The following CNKSR3 variants were observed in gnomAD, a reference collection of about 807,000 sequenced individuals.
The protein encoded by CNKSR3 is connector enhancer of kinase suppressor of ras 3.
Under a neutral mutation model 67.7 loss-of-function variants are expected in CNKSR3, and 36 were observed. The ratio of observed to expected loss-of-function variants is 0.53; its 90% CI spans 0.41 to 0.70. CNKSR3 has a LOEUF of 0.70. Among genes scored for constraint, CNKSR3 ranks in the 30% least tolerant of loss-of-function variants. The pLI, the probability that CNKSR3 is intolerant of heterozygous loss-of-function variation, is 0.00. For missense variants in CNKSR3, 630 were observed against 695.2 expected (o/e 0.91, Z 1.05); for synonymous variants, 281 against 271.4 (o/e 1.04, Z -0.35).
rs559577630 is a variant in CNKSR3 at position 154,389,188 on chromosome 6, G to C, written c.*17166C>G. ...CAAGACCAATGTCAAAGAGCTTTTC[G>C]CCTATGTTTTCTTCTAGGAGTTTTA... is the stretch of plus-strand genomic sequence containing the variant. On this transcript the variant is annotated 3_prime_UTR_variant, in exon 13 of 13. Coordinates refer to ENST00000607772, the MANE Select transcript of CNKSR3 (RefSeq NM_173515.4). 1 of 151,998 alleles carries C rather than the reference G, an allele frequency of 6.6e-6. No individual in the cohort carries two copies. The highest frequency in any genetic ancestry group is 1.5e-5 in the Non-Finnish European group (1 of 67,964). 9.4% of individuals were successfully genotyped at this position (151,998 alleles called of 1,614,324 possible). A position where few individuals can be genotyped will look rare whatever the true frequency, so the allele number is the denominator to read the frequency against.
intron 7 of CNKSR3, among the ~76,000 whole-genome samples, chr6:154,424,266 A>T (rs1187720772): frequency 6.6e-6 from 1 of 151,952 alleles, no homozygotes; most frequent in Non-Finnish European, 1.5e-5. Context: ...AAAAAGAAAT[A>T]TAAAGGGATA....
At chr6:154,408,797 T>C (rs1360153168) in intron 12 of CNKSR3, among the ~76,000 whole-genome samples, 2 of 152,204 alleles carry the variant, frequency 1.3e-5, no homozygotes, top group Non-Finnish European at 2.9e-5. Flanking sequence ...TCAATAAAAC[T>C]GTTATTTTTT....
At chr6:154,456,096 G>C (rs1236898430) in intron 1 of CNKSR3, among the ~76,000 whole-genome samples, 2 of 152,112 alleles carry the variant, frequency 1.3e-5, no homozygotes, top group African/African-American at 4.8e-5. Context: ...CTAGGTCCCA[G>C]AAAGCAAATG....
At chr6:154,466,000 T>G (rs1786190560) in intron 1 of CNKSR3, among the ~76,000 whole-genome samples, 2 of 152,234 alleles carry the variant, frequency 1.3e-5, no homozygotes. Context: ...AGCAGCCATA[T>G]GCAACTGACT....
At chr6:154,417,364 G>C (rs1344753565) in intron 9 of CNKSR3, among the ~76,000 whole-genome samples, 4 of 152,220 alleles carry the variant, frequency 2.6e-5, no homozygotes, top group African/African-American at 7.2e-5. Flanking sequence ...TCAACTCAGA[G>C]GCCACATTCA....
rs1057072734 is a variant in CNKSR3, at chr6:154,392,711, G to T, written c.*13643C>A. Reference sequence around the variant, plus strand: ...TGCTTCATTAGCATCGATGTTTGGGGAACAAGGAGCCCTTGCCTCCCCTGA... The same window carrying T: ...TGCTTCATTAGCATCGATGTTTGGGTAACAAGGAGCCCTTGCCTCCCCTGA... On this transcript the variant is annotated 3_prime_UTR_variant, in exon 13 of 13. Transcript: ENST00000607772. 2 of 152,274 alleles carry T rather than the reference G, an allele frequency of 1.3e-5. No individual in the cohort carries two copies. Among genetic ancestry groups the T allele is most frequent in the African/African-American group, 4.8e-5 (2 of 41,444 alleles). 9.4% of individuals were successfully genotyped at this position (152,274 alleles called of 1,614,324 possible).
intron 1 of CNKSR3, among the ~76,000 whole-genome samples, chr6:154,465,549 C>T (rs1165325829): frequency 1.3e-5 from 2 of 152,118 alleles, no homozygotes; most frequent in Non-Finnish European, 2.9e-5. Context: ...TGCTCACAGC[C>T]TCGCCGAGCC....
chr6:154,451,738 A>T (rs1785837952), intron 1 of CNKSR3, among the ~76,000 whole-genome samples: 1 of 152,190 alleles, frequency 6.6e-6, no homozygotes, highest in African/African-American at 2.4e-5. Context: ...ATACAGGAAG[A>T]AGAGTAGTTT....
chr6:154,442,351 G>C, intron 2 of CNKSR3, 61 bp from the exon 3 acceptor site: 1 of 1,411,662 alleles, frequency 7.1e-7, no homozygotes, highest in East Asian at 2.3e-5. Context: ...GACAGGGCGC[G>C]GTGGCTCACG....
chr6:154,438,147 AT>A (rs1314627814), intron 4 of CNKSR3, among the ~76,000 whole-genome samples: 1 of 152,134 alleles, frequency 6.6e-6, no homozygotes, highest in African/African-American at 2.4e-5. Flanking sequence ...AGTAGGTATT[AT>A]TTTTTAAGTA....
Position 154,387,545 on chromosome 6 carries a change from G to A in CNKSR3, c.*18809C>T, listed in dbSNP as rs1784563542. On this transcript the variant is annotated 3_prime_UTR_variant, in exon 13 of 13. Transcript: ENST00000607772. ...TAAAGATGTTTTATTATGTACATTAGTTAATGAGGCACAGGAAAGGAATGT... is the reference window on the plus strand; with the variant it reads ...TAAAGATGTTTTATTATGTACATTAATTAATGAGGCACAGGAAAGGAATGT... 6.6e-6 allele frequency: 1 copy of A among 152,188 alleles called. No individual in the cohort carries two copies. The highest frequency in any genetic ancestry group is 1.5e-5 in the Non-Finnish European group (1 of 68,034). The allele number at this position is 152,188 out of a possible 1,614,324, so 9.4% of individuals were successfully genotyped here. A position where few individuals can be genotyped will look rare whatever the true frequency, so the allele number is the denominator to read the frequency against.
intron 1 of CNKSR3, among the ~76,000 whole-genome samples, chr6:154,489,048 G>GT (rs962666424): frequency 2.6e-5 from 4 of 152,012 alleles, no homozygotes; most frequent in Admixed American, 6.5e-5. Flanking sequence ...TGGGTTTTGA[G>GT]TTTTTTTTCA....
intron 9 of CNKSR3, among the ~76,000 whole-genome samples, chr6:154,420,343 G>A (rs1409632543): frequency 6.6e-6 from 1 of 152,116 alleles, no homozygotes; most frequent in African/African-American, 2.4e-5. Flanking sequence ...CAGTTAGCCA[G>A]GAAGAATAAG....
chr6:154,418,039 G>T (rs1226202081), intron 9 of CNKSR3, among the ~76,000 whole-genome samples: 4 of 152,162 alleles, frequency 2.6e-5, no homozygotes, highest in Non-Finnish European at 5.9e-5. Flanking sequence ...TCTGGTAGAA[G>T]CTCTGGAGCC....
At chr6:154,419,369 G>T (rs888543345) in intron 9 of CNKSR3, among the ~76,000 whole-genome samples, 1 of 152,060 alleles carries the variant, frequency 6.6e-6, no homozygotes, top group Non-Finnish European at 1.5e-5. Flanking sequence ...CTCAAAAGGA[G>T]ATATACAAAT....
In CNKSR3 at chr6:154,442,845, C is replaced by A. The variant is rs116985531; in HGVS notation, c.217-555G>T. On this transcript the variant is annotated intron_variant, in intron 2 of 12. Transcript: ENST00000607772. Reference sequence around the variant, plus strand: ...CTTGATAGTTCCTCTTCCCCAAATGCGCCTCCTACAAATATTGTCGTAGAC... The same window carrying A: ...CTTGATAGTTCCTCTTCCCCAAATGAGCCTCCTACAAATATTGTCGTAGAC... Among the ~76,000 whole-genome samples the A allele has an allele frequency of 2.8e-3, 423 of 152,214 alleles. 1 individual carries two copies. The highest frequency in any genetic ancestry group is 9.7e-3 in the African/African-American group (401 of 41,534).
chr6:154,480,719 G>A (rs9479877), intron 1 of CNKSR3, among the ~76,000 whole-genome samples: 76,479 of 152,022 alleles, frequency 0.5, 19,774 homozygotes, highest in East Asian at 0.56. Context: ...GATATACCAC[G>A]TTCTTGACCT....
intron 9 of CNKSR3, among the ~76,000 whole-genome samples, chr6:154,419,798 CGTGGGGCATG>C (rs1785100981): frequency 6.6e-6 from 1 of 151,846 alleles, no homozygotes; most frequent in African/African-American, 2.4e-5. Flanking sequence ...AGGAAATGCT[CGTGGGGCATG>C]GTGGCTCACG....
intron 1 of CNKSR3, among the ~76,000 whole-genome samples, chr6:154,454,244 C>A (rs1785905142): frequency 1.3e-5 from 2 of 152,090 alleles, no homozygotes; most frequent in South Asian, 4.1e-4. Flanking sequence ...AATACTAATA[C>A]TACCCACTAC....
Sources: gnomAD v4.1 joint callset for allele counts (sites outside exome capture counted in the v4.1 genomes callset) on GRCh38, gnomAD v4.1.1 for gene constraint, MANE v1.5 for transcripts, NCBI Gene and HGNC (gene_info 2026-07-23, HGNC 2026-07-21) for gene names.